Variants in KIF13B observed in about 807,000 individuals in gnomAD.
KIF13B encodes kinesin-like protein KIF13B.
In KIF13B, 127 loss-of-function variants were observed where a neutral mutation model predicts 222.0. The observed-to-expected ratio is 0.57, with a 90% CI of 0.50 to 0.66. The LOEUF (loss-of-function observed/expected upper bound fraction) is 0.66. Among genes scored for constraint, KIF13B ranks in the 30% least tolerant of loss-of-function variants. KIF13B has a pLI of 0.00. For missense variants in KIF13B, 2,173 were observed against 2,379.0 expected (o/e 0.91, Z 1.80); for synonymous variants, 976 against 919.0 (o/e 1.06, Z -1.12).
chr8:29,211,289 C>G lies in KIF13B; in HGVS notation c.150-15090G>C, dbSNP rs1023817447. Among the ~76,000 whole-genome samples, 5 of 152,342 alleles carry G rather than the reference C, an allele frequency of 3.3e-5. No individual in the cohort carries two copies. The East Asian group carries it at 5.8e-4, about 18-fold the overall frequency. On this transcript the variant is annotated intron_variant, in intron 2 of 39. Coordinates refer to ENST00000524189, the MANE Select transcript of KIF13B (RefSeq NM_015254.4). ...TGATAGAACAACTGGTTCTAGCTCTCCTGCCATAAACAGCAAGAAAACTGG... is the reference window on the plus strand; with the variant it reads ...TGATAGAACAACTGGTTCTAGCTCTGCTGCCATAAACAGCAAGAAAACTGG...
intron 2 of KIF13B, among the ~76,000 whole-genome samples, chr8:29,223,827 G>A (rs1316874638): frequency 6.6e-6 from 1 of 152,090 alleles, no homozygotes; most frequent in Non-Finnish European, 1.5e-5. Context: ...GAGTAGCTGG[G>A]ACTACAGGCA....
At chr8:29,155,355 G>T (rs541681162) in intron 14 of KIF13B, among the ~76,000 whole-genome samples, 74 of 152,278 alleles carry the variant, frequency 4.9e-4, no homozygotes, top group African/African-American at 1.5e-3. Context: ...GACCCAACAG[G>T]AGTTAGCAGG....
At chr8:29,232,821 A>G (rs1214859176) in intron 2 of KIF13B, among the ~76,000 whole-genome samples, 1 of 152,060 alleles carries the variant, frequency 6.6e-6, no homozygotes, top group Non-Finnish European at 1.5e-5. Flanking sequence ...TAGCACCCAT[A>G]CCACTGCCCA....
chr8:29,234,752 G>A (rs1357105308), intron 2 of KIF13B, among the ~76,000 whole-genome samples: 2 of 150,530 alleles, frequency 1.3e-5, no homozygotes, highest in Non-Finnish European at 2.9e-5. Context: ...GCCAAGGTCA[G>A]GAAAGGACAT....
intron 33 of KIF13B, 84 bp downstream of exon 33, chr8:29,109,834 C>A: frequency 7.5e-7 from 1 of 1,341,528 alleles, no homozygotes; most frequent in South Asian, 1.4e-5. Flanking sequence ...TTAGGTGCAA[C>A]AACACTGTGA....
intron 37 of KIF13B, among the ~76,000 whole-genome samples, chr8:29,079,832 C>A (rs985441517): frequency 2.0e-5 from 3 of 152,046 alleles, no homozygotes; most frequent in African/African-American, 7.3e-5. Flanking sequence ...AAACACTAAC[C>A]AATGATTTAA....
chr8:29,236,325 G>A (rs1223203315), intron 2 of KIF13B, among the ~76,000 whole-genome samples: 1 of 152,124 alleles, frequency 6.6e-6, no homozygotes, highest in Non-Finnish European at 1.5e-5. Context: ...ATAATATGGG[G>A]AAGAAGACAG....
At position 29,070,805 on chromosome 8, in the gene KIF13B, G is replaced by C. The variant is rs1807233578; in HGVS notation, c.5219-39C>G. 2 of 1,568,872 alleles carry C rather than the reference G, an allele frequency of 1.3e-6. No homozygotes were observed. Among genetic ancestry groups the C allele is most frequent in the Non-Finnish European group, 8.6e-7 (1 of 1,157,700 alleles). Reference sequence around the variant, plus strand: ...AGAGGGTGATATGGAGGGCAGCCGAGCTGCAGACGGCCCCCTGCACCTCCC... The same window carrying C: ...AGAGGGTGATATGGAGGGCAGCCGACCTGCAGACGGCCCCCTGCACCTCCC... On this transcript the variant is annotated intron_variant, in intron 39 of 39. Coordinates refer to ENST00000524189, the MANE Select transcript of KIF13B (RefSeq NM_015254.4). The surrounding 1 kb of genome is among the most constrained non-coding windows in gnomAD (Gnocchi z 4.1).
At position 29,188,567 on chromosome 8, in the gene KIF13B, C is replaced by T. The variant is rs371756164; in HGVS notation, c.264G>A (p.Leu88=). 1.3e-5 allele frequency: 21 copies of T among 1,612,296 alleles called. No individual in the cohort carries two copies. The highest frequency in any genetic ancestry group is 1.7e-5 in the Non-Finnish European group (20 of 1,178,768). The change falls in exon 5 of 40, where the codon CTG becomes CTA. Residue 88 remains leucine (L), a synonymous_variant. Transcript: ENST00000524189. ...CATTGTAGCCATCAAAAGCATTCTG[C>T]AGGATATTCTCTCCAAGGCACTTGA... is the stretch of plus-strand genomic sequence containing the variant. ...IVFKCLGENI[L]QNAFDGYNAC...
chr8:29,246,368 ACT>A (rs1816023121), intron 1 of KIF13B, among the ~76,000 whole-genome samples: 1 of 150,988 alleles, frequency 6.6e-6, no homozygotes, highest in South Asian at 2.1e-4. Context: ...CAAGAGCAAA[ACT>A]CTGTCTCGGG....
rs191087979 is a variant in KIF13B, at chr8:29,247,517, C to G, written c.56-2078G>C. Among the ~76,000 whole-genome samples, 4 of 151,938 alleles carry G rather than the reference C, an allele frequency of 2.6e-5. No individual in the cohort carries two copies. The East Asian group carries it at 5.8e-4, about 22-fold the overall frequency. Reference sequence around the variant, plus strand: ...ACTTGCATCACAATATATAAAGAACCCTTACAACTCAATAATAAAAAGACA... The same window carrying G: ...ACTTGCATCACAATATATAAAGAACGCTTACAACTCAATAATAAAAAGACA... On this transcript the variant is annotated intron_variant, in intron 1 of 39. Transcript: ENST00000524189.
chr8:29,078,889 C>CA (rs1807685233), intron 37 of KIF13B, among the ~76,000 whole-genome samples: 2 of 152,308 alleles, frequency 1.3e-5, no homozygotes, highest in African/African-American at 4.8e-5. Flanking sequence ...GAGTAGCTTA[C>CA]AGGCAACAGA....
rs1814965592 is a variant in KIF13B at position 29,225,178 on chromosome 8, G to A, written c.149+20168C>T. Among the ~76,000 whole-genome samples, 5 of 152,204 alleles carry A rather than the reference G, an allele frequency of 3.3e-5. No homozygotes were observed. In the South Asian group the frequency reaches 8.3e-4, roughly 25 times the overall value. ...GATAGAGAATAGCACGACAGTGTGGGAAGGCAGAAAGGCAGGGCCACATGT... is the reference window on the plus strand; with the variant it reads ...GATAGAGAATAGCACGACAGTGTGGAAAGGCAGAAAGGCAGGGCCACATGT... On this transcript the variant is annotated intron_variant, in intron 2 of 39. Transcript: ENST00000524189.
At chr8:29,153,469 G>A (rs1044127890) in intron 14 of KIF13B, among the ~76,000 whole-genome samples, 1 of 149,700 alleles carries the variant, frequency 6.7e-6, no homozygotes, top group Non-Finnish European at 1.5e-5. Context: ...GAAGTGGTGG[G>A]TAGAATACCA....
intron 2 of KIF13B, among the ~76,000 whole-genome samples, chr8:29,234,075 C>G (rs1226716320): frequency 6.6e-6 from 1 of 152,062 alleles, no homozygotes; most frequent in Non-Finnish European, 1.5e-5. Context: ...TCTTAATAAG[C>G]TAAAGAAAAA....
intron 24 of KIF13B, among the ~76,000 whole-genome samples, chr8:29,129,402 A>G (rs73224666): frequency 2.6e-3 from 392 of 152,312 alleles, no homozygotes; most frequent in Middle Eastern, 6.8e-3. Context: ...ATTTAAACTA[A>G]TCTTTCACTT....
rs758163466 is a variant in KIF13B at position 29,140,610 on chromosome 8, C to T, written c.2342G>A (p.Arg781Gln). 3.1e-6 allele frequency: 5 copies of T among 1,612,160 alleles called. No homozygotes were observed. Among genetic ancestry groups the T allele is most frequent in the Admixed American group, 1.7e-5 (1 of 59,700 alleles). The change falls in exon 20 of 40, where the codon CGA becomes CAA. Residue 781 changes from arginine (R) to glutamine (Q), a missense_variant. Arg to Gln is a conservative substitution (Grantham distance 43). Around this residue, in one of 2 missense-constraint regions of KIF13B, gnomAD observed 1,480 missense variants for 1,722.8 expected, o/e 0.86. Transcript: ENST00000524189. ...TGGATCAGCACGTTTGAAGTATGAT[C>T]GTATTACCTGTAAAGAGATTGAGAA... is the stretch of plus-strand genomic sequence containing the variant. ...KECEEDNPVI[R>Q]SYFKRADPFY...
At chr8:29,103,861 G>A (rs931591494) in intron 35 of KIF13B, among the ~76,000 whole-genome samples, 1 of 152,124 alleles carries the variant, frequency 6.6e-6, no homozygotes, top group Non-Finnish European at 1.5e-5. Flanking sequence ...AGGTCCAGAA[G>A]CGTTAACACA....
chr8:29,150,426 C>T lies in KIF13B; in HGVS notation c.1536-43G>A, dbSNP rs755689668. Reference sequence around the variant, plus strand: ...CAAACGTGAATGATGAGTACAGTATCATGTCTTCTGCTTTAATTTCCCAAT... The same window carrying T: ...CAAACGTGAATGATGAGTACAGTATTATGTCTTCTGCTTTAATTTCCCAAT... On this transcript the variant is annotated intron_variant, in intron 14 of 39. Coordinates refer to ENST00000524189, the MANE Select transcript of KIF13B (RefSeq NM_015254.4). The T allele has an allele frequency of 3.6e-5, 34 of 932,984 alleles. No homozygotes were observed. The South Asian group carries it at 5.0e-4, about 14-fold the overall frequency. 57.8% of individuals were successfully genotyped at this position (932,984 alleles called of 1,614,324 possible). A position where few individuals can be genotyped will look rare whatever the true frequency, so the allele number is the denominator to read the frequency against.
Sources: allele counts gnomAD v4.1 joint callset (sites outside exome capture counted in the v4.1 genomes callset), GRCh38; gene constraint gnomAD v4.1.1; regional missense constraint gnomAD v4.1.1; non-coding constraint Gnocchi (gnomAD v3.1); transcripts MANE v1.5; gene names NCBI Gene and HGNC (gene_info 2026-07-23, HGNC 2026-07-21).